CAMK2A: variants seen among roughly 807,000 people sequenced by gnomAD.
The protein encoded by CAMK2A is calcium/calmodulin-dependent protein kinase type II subunit alpha.
A neutral mutation model predicts 79.2 loss-of-function variants in CAMK2A; 7 were observed. That is an observed-to-expected ratio of 0.09 (90% CI 0.05 to 0.17). The LOEUF (loss-of-function observed/expected upper bound fraction) is 0.17, where lower values mean the gene tolerates loss of function less well. CAMK2A is among the 10% of genes least tolerant of loss of function. The pLI is 1.00. For synonymous variants in CAMK2A, 242 were observed against 251.7 expected, an observed-to-expected ratio of 0.96 and a Z score of 0.36; for missense variants, 214 against 646.4, an observed-to-expected ratio of 0.33 and a Z score of 7.25.
intron 12 of CAMK2A, among the ~76,000 whole-genome samples, chr5:150,245,524 T>C (rs3756578): frequency 0.46 from 70,527 of 152,030 alleles, 16,674 homozygotes; most frequent in African/African-American, 0.56. Flanking sequence ...TCTGAATCCC[T>C]GTCACCACCG....
chr5:150,271,161 A>C (rs1188865323), intron 2 of CAMK2A, among the ~76,000 whole-genome samples: 1 of 152,268 alleles, frequency 6.6e-6, no homozygotes, highest in East Asian at 1.9e-4. Flanking sequence ...TGGCAAGGCC[A>C]ATCCAGGCAT....
intron 6 of CAMK2A, among the ~76,000 whole-genome samples, chr5:150,254,881 T>C (rs2150283287): frequency 6.6e-6 from 1 of 152,308 alleles, no homozygotes; most frequent in East Asian, 1.9e-4. Flanking sequence ...AGTACTTCTA[T>C]TTTTGGCTTG....
Position 150,249,552 on chromosome 5 carries a change from TG to T in CAMK2A, c.900+673del, listed in dbSNP as rs1295463246. ...TGGAACACGTTCCCATTCTTTTTTT[TG>T]TTTTTTTTTTTTTGAGACAGAGTCT... is the stretch of plus-strand genomic sequence containing the variant. On this transcript the variant is annotated intron_variant, in intron 11 of 18. Transcript: ENST00000671881. 1.4e-4 allele frequency among the ~76,000 whole-genome samples: 14 copies of T among 103,036 alleles called. 1 individual carries two copies. Among genetic ancestry groups the T allele is most frequent in the East Asian group, 6.2e-4 (2 of 3,222 alleles). The allele number at this position is 103,036 out of a possible 152,430, so 67.6% of individuals were successfully genotyped here.
chr5:150,239,644 G>C, intron 14 of CAMK2A, 60 bp downstream of exon 14: 1 of 1,530,878 alleles, frequency 6.5e-7, no homozygotes, highest in Non-Finnish European at 9.1e-7. Context: ...GCAGGAGGGA[G>C]GCAGGAGCAA....
chr5:150,231,404 AAATAAT>A (rs35699794), intron 15 of CAMK2A, 24 bp from the exon 16 acceptor site: 98,712 of 471,250 alleles, frequency 0.21, 7,147 homozygotes, highest in Non-Finnish European at 0.23. Flanking sequence ...GGGGACACAG[AAATAAT>A]AATAATAATA....
chr5:150,236,351 TCCTGTCATTCAAC>T, intron 15 of CAMK2A, among the ~76,000 whole-genome samples: 1 of 152,332 alleles, frequency 6.6e-6, no homozygotes, highest in East Asian at 1.9e-4. Flanking sequence ...TCACCTGGCT[TCCTGTCATTCAAC>T]CACGAACTAC....
intron 1 of CAMK2A, among the ~76,000 whole-genome samples, chr5:150,278,358 T>G (rs1580953432): frequency 1.3e-5 from 2 of 149,488 alleles, no homozygotes; most frequent in Admixed American, 1.3e-4. Context: ...CCTAACTTCC[T>G]CCCTTTTTTA....
chr5:150,261,545 A>G (rs1213857787), intron 3 of CAMK2A, among the ~76,000 whole-genome samples: 2 of 152,138 alleles, frequency 1.3e-5, no homozygotes, highest in African/African-American at 4.8e-5. Flanking sequence ...CTAGCTTTTT[A>G]TTTATGTGGC....
chr5:150,244,157 C>T (rs1283512507), intron 13 of CAMK2A, among the ~76,000 whole-genome samples: 2 of 152,224 alleles, frequency 1.3e-5, no homozygotes, highest in South Asian at 2.1e-4. Flanking sequence ...ATCAAATCCA[C>T]ACCCCACTCG....
At chr5:150,269,690 G>T (rs1756655913) in intron 2 of CAMK2A, among the ~76,000 whole-genome samples, 1 of 152,060 alleles carries the variant, frequency 6.6e-6, no homozygotes, top group Non-Finnish European at 1.5e-5. Flanking sequence ...CAGGCAGGCG[G>T]CCCGAAATTC....
chr5:150,245,353 T>A, intron 12 of CAMK2A, 152 bp from the exon 13 acceptor site: 1 of 572,802 alleles, frequency 1.7e-6, no homozygotes, highest in South Asian at 2.1e-5. Context: ...CTCCTCCTCC[T>A]CCTCCTCCTC....
intron 15 of CAMK2A, 77 bp downstream of exon 15, chr5:150,238,623 G>T: frequency 7.3e-7 from 1 of 1,361,702 alleles, no homozygotes; most frequent in Non-Finnish European, 1.0e-6. Flanking sequence ...GCACGTGGGA[G>T]CTGTCAGGAA....
At chr5:150,249,591 C>T (rs1472200925) in intron 11 of CAMK2A, among the ~76,000 whole-genome samples, 1 of 151,194 alleles carries the variant, frequency 6.6e-6, no homozygotes, top group Non-Finnish European at 1.5e-5. Context: ...CTCTGTTACT[C>T]AGGCTGGAGT....
At chr5:150,252,488 C>G (rs772783976) in intron 7 of CAMK2A, among the ~76,000 whole-genome samples, 3 of 152,200 alleles carry the variant, frequency 2.0e-5, no homozygotes, top group Admixed American at 2.0e-4. Flanking sequence ...CTCTGCACCC[C>G]CTTGTTGGAG....
intron 13 of CAMK2A, among the ~76,000 whole-genome samples, chr5:150,244,566 G>A (rs1755478635): frequency 6.6e-6 from 1 of 152,246 alleles, no homozygotes; most frequent in Non-Finnish European, 1.5e-5. Flanking sequence ...AGGATGTGGA[G>A]GGACCACAGG....
intron 16 of CAMK2A, among the ~76,000 whole-genome samples, chr5:150,229,018 T>A (rs149546345): frequency 3.2e-4 from 49 of 152,290 alleles, no homozygotes; most frequent in Admixed American, 9.8e-4. Flanking sequence ...CTTTCCCATC[T>A]CCAGGTCTGT....
At chr5:150,265,555 C>T (rs1756478027) in intron 2 of CAMK2A, among the ~76,000 whole-genome samples, 1 of 152,184 alleles carries the variant, frequency 6.6e-6, no homozygotes, top group Admixed American at 6.5e-5. Context: ...CACTCAGTCT[C>T]ATGGATATCT....
chr5:150,267,301 A>T (rs900212549), intron 2 of CAMK2A, among the ~76,000 whole-genome samples: 1 of 152,074 alleles, frequency 6.6e-6, no homozygotes, highest in African/African-American at 2.4e-5. Context: ...GCAGAACCAG[A>T]ACTCAGGCAG....
chr5:150,255,184 C>T (rs1447432673), intron 6 of CAMK2A, among the ~76,000 whole-genome samples: 3 of 152,250 alleles, frequency 2.0e-5, no homozygotes, highest in Non-Finnish European at 2.9e-5. Flanking sequence ...CTTCCTCCTC[C>T]AGTGCAGGGG....
Sources: gnomAD v4.1 joint callset for allele counts (sites outside exome capture counted in the v4.1 genomes callset) on GRCh38, gnomAD v4.1.1 for gene constraint, MANE v1.5 for transcripts, NCBI Gene and HGNC (gene_info 2026-07-23, HGNC 2026-07-21) for gene names.